CCNJL: variants seen among roughly 807,000 people sequenced by gnomAD.
The protein encoded by CCNJL is cyclin-J-like protein.
In CCNJL, 33 loss-of-function variants were observed where a neutral mutation model predicts 33.4. The ratio of observed to expected loss-of-function variants is 0.99; its 90% CI spans 0.75 to 1.32. CCNJL has a LOEUF of 1.32. Among genes scored for constraint, CCNJL ranks in the 40% most tolerant of loss-of-function variants. CCNJL has a pLI of 0.00. For missense variants in CCNJL, 512 were observed against 499.7 expected, an observed-to-expected ratio of 1.02 and a Z score of -0.23; for synonymous variants, 227 against 220.9, an observed-to-expected ratio of 1.03 and a Z score of -0.24.
intron 3 of CCNJL, among the ~76,000 whole-genome samples, chr5:160,276,868 C>T (rs1182139822): frequency 6.6e-6 from 1 of 152,092 alleles, no homozygotes. Context: ...ACTGTAACCT[C>T]TGCTTCCCAG....
At position 160,253,511 on chromosome 5, in the gene CCNJL, G is replaced by C; in HGVS notation, c.1031C>G (p.Pro344Arg). Residue 344 changes from proline to arginine, a missense_variant, in exon 6 of 6, where the codon CCC becomes CGC. By Grantham distance (103) the Pro-to-Arg change is moderately radical. Transcript: ENST00000257536. ...YQPLQPLDMC[P>R]VPVPASLSMH... is the part of the protein sequence containing the mutation. ...GCTAAGGGATGCAGGGACGGGCACG[G>C]GACACATATCCAAGGGCTGCAGCGG... 2 of 1,614,218 alleles carry C rather than the reference G, an allele frequency of 1.2e-6. No individual in the cohort carries two copies. Among genetic ancestry groups the C allele is most frequent in the African/African-American group, 1.3e-5 (1 of 75,068 alleles).
chr5:160,311,451 T>C (rs956171609), intron 2 of CCNJL, among the ~76,000 whole-genome samples: 5 of 152,198 alleles, frequency 3.3e-5, no homozygotes, highest in Non-Finnish European at 5.9e-5. Context: ...TTACAATAAA[T>C]GGAAAATCGC....
In CCNJL at chr5:160,293,294, G is replaced by A. The variant is rs183856156; in HGVS notation, c.67-12556C>T. Reference sequence around the variant, plus strand: ...GGATTAGCTGGGCGTGGTGGTGCACGCCTGTAACCTCAGCCTCAGCTACTT... The same window carrying A: ...GGATTAGCTGGGCGTGGTGGTGCACACCTGTAACCTCAGCCTCAGCTACTT... On this transcript the variant is annotated intron_variant, in intron 2 of 5. Coordinates refer to ENST00000257536, the MANE Select transcript of CCNJL (RefSeq NM_001308173.3). Among the ~76,000 whole-genome samples the A allele has an allele frequency of 3.7e-4, 56 of 152,256 alleles. 1 individual carries two copies. The South Asian group carries it at 9.3e-3, about 25-fold the overall frequency.
At position 160,284,127 on chromosome 5, in the gene CCNJL, G is replaced by A. The variant is rs185996460; in HGVS notation, c.67-3389C>T. 7.2e-4 allele frequency among the ~76,000 whole-genome samples: 109 copies of A among 152,218 alleles called. 1 individual carries two copies. The Middle Eastern group carries it at 0.01, about 14-fold the overall frequency. On this transcript the variant is annotated intron_variant, in intron 2 of 5. Coordinates refer to ENST00000257536, the MANE Select transcript of CCNJL (RefSeq NM_001308173.3). Reference sequence around the variant, plus strand: ...AGCACTTTGGGAGGCTGAGGCGGGTGGATCGCTTGAGTTTAGGAGTTTGAG... The same window carrying A: ...AGCACTTTGGGAGGCTGAGGCGGGTAGATCGCTTGAGTTTAGGAGTTTGAG...
At chr5:160,330,000 C>G (rs964998846) in intron 1 of CCNJL, among the ~76,000 whole-genome samples, 1 of 152,186 alleles carries the variant, frequency 6.6e-6, no homozygotes, top group Admixed American at 6.5e-5. Flanking sequence ...GACTCATCAC[C>G]ATGACCTGCC....
chr5:160,287,719 C>T (rs552831520), intron 2 of CCNJL, among the ~76,000 whole-genome samples: 3 of 152,242 alleles, frequency 2.0e-5, no homozygotes, highest in Non-Finnish European at 4.4e-5. Flanking sequence ...TGCCCTAGGG[C>T]GGCTTCTAAA....
At chr5:160,313,966 G>C (rs1332250730), upstream of CCNJL, among the ~76,000 whole-genome samples, 1 of 152,252 alleles carries the variant, frequency 6.6e-6, no homozygotes, top group Non-Finnish European at 1.5e-5. Context: ...TCAGGAGTTT[G>C]AGACCAAACT....
At chr5:160,307,481 G>C (rs532898742) in intron 2 of CCNJL, among the ~76,000 whole-genome samples, 1 of 152,240 alleles carries the variant, frequency 6.6e-6, no homozygotes, top group Admixed American at 6.5e-5. Flanking sequence ...TTAGTTCTTG[G>C]ATTCAACACC....
intron 3 of CCNJL, among the ~76,000 whole-genome samples, chr5:160,265,480 A>G (rs527889090): frequency 1.3e-5 from 2 of 152,156 alleles, no homozygotes; most frequent in South Asian, 4.1e-4. Context: ...TACTAAAAAA[A>G]TTTAAAAATT....
chr5:160,284,938 A>G (rs1199346765), intron 2 of CCNJL, among the ~76,000 whole-genome samples: 1 of 151,706 alleles, frequency 6.6e-6, no homozygotes, highest in Non-Finnish European at 1.5e-5. Context: ...TAAGTCATGG[A>G]GCTCGGCTGG....
chr5:160,289,821 C>T (rs1437548221), intron 2 of CCNJL, among the ~76,000 whole-genome samples: 1 of 152,174 alleles, frequency 6.6e-6, no homozygotes, highest in Non-Finnish European at 1.5e-5. Flanking sequence ...CAGGTGCTGA[C>T]CTTGGCAGAG....
At chr5:160,315,566 C>CA, upstream of CCNJL, 1 of 86,144 alleles carries the variant, frequency 1.2e-5, no homozygotes, top group Non-Finnish European at 3.7e-5. Context: ...TGAATAAAAA[C>CA]AAAAAAAGAT....
intron 1 of CCNJL, among the ~76,000 whole-genome samples, chr5:160,327,609 G>A (rs1052680646): frequency 1.3e-5 from 2 of 152,196 alleles, no homozygotes; most frequent in Non-Finnish European, 2.9e-5. Flanking sequence ...CAACAAGGTG[G>A]GCCAGGAGTT....
chr5:160,295,822 T>C (rs1762734805), intron 2 of CCNJL, among the ~76,000 whole-genome samples: 1 of 152,238 alleles, frequency 6.6e-6, no homozygotes, highest in South Asian at 2.1e-4. Context: ...GTCAGACTTC[T>C]GGTCTCCACA....
At chr5:160,325,383 C>T (rs903192318) in intron 1 of CCNJL, among the ~76,000 whole-genome samples, 11 of 152,126 alleles carry the variant, frequency 7.2e-5, no homozygotes, top group Non-Finnish European at 1.3e-4. Context: ...CCAATCTTAT[C>T]GCCTGTTGCT....
intron 2 of CCNJL, among the ~76,000 whole-genome samples, chr5:160,283,478 T>C (rs1293046947): frequency 6.6e-6 from 1 of 152,230 alleles, no homozygotes; most frequent in Non-Finnish European, 1.5e-5. Context: ...TATTTTAATT[T>C]TTTTACTTTT....
intron 3 of CCNJL, among the ~76,000 whole-genome samples, chr5:160,273,823 A>C (rs1356226593): frequency 1.3e-5 from 2 of 151,442 alleles, no homozygotes; most frequent in African/African-American, 2.4e-5. Context: ...ATTTTTTTGT[A>C]TTTTTAGTAG....
chr5:160,280,843 C>G, intron 2 of CCNJL, 105 bp from the exon 3 acceptor site: 1 of 774,990 alleles, frequency 1.3e-6, no homozygotes, highest in Non-Finnish European at 2.2e-6. Flanking sequence ...GGCAACGATT[C>G]CCTCCATACC....
Position 160,259,778 on chromosome 5 carries a change from G to C in CCNJL, c.281-7C>G. ...TCCCGATCCTCGAACTTACCTGTCG[G>C]GGAGCAGGGGAAGCAGGGGTTACTG... On this transcript the variant is annotated splice_polypyrimidine_tract_variant and splice_region_variant and intron_variant, in intron 3 of 5. Transcript: ENST00000257536. The C allele has an allele frequency of 6.3e-7, 1 of 1,595,342 alleles. No homozygotes were observed. The highest frequency in any genetic ancestry group is 1.3e-5 in the African/African-American group (1 of 74,744).
Sources: allele counts gnomAD v4.1 joint callset (sites outside exome capture counted in the v4.1 genomes callset), GRCh38; gene constraint gnomAD v4.1.1; transcripts MANE v1.5; gene names NCBI Gene and HGNC (gene_info 2026-07-23, HGNC 2026-07-21).